Variants in GRTP1 observed in about 807,000 individuals in gnomAD.
GRTP1 encodes the protein growth hormone regulated TBC protein 1.
In GRTP1, 56 loss-of-function variants were observed where a neutral mutation model predicts 38.1. The ratio of observed to expected loss-of-function variants is 1.47; its 90% CI spans 1.19 to 1.84. The LOEUF (loss-of-function observed/expected upper bound fraction) is 1.84. Ranked by LOEUF, GRTP1 falls within the 40% of genes most tolerant of loss-of-function variation. The pLI is 0.00. For synonymous variants in GRTP1, 217 were observed against 189.5 expected (o/e 1.14, Z -1.19); for missense variants, 506 against 453.9 (o/e 1.11, Z -1.04).
chr13:113,350,155 G>A (rs67821571), intron 4 of GRTP1, among the ~76,000 whole-genome samples: 50,311 of 151,972 alleles, frequency 0.33, 8,804 homozygotes, highest in East Asian at 0.6. Context: ...CACCACCAGC[G>A]ACAGGCCCAG....
rs79374282 is a variant in GRTP1, at chr13:113,325,806, G to A, written c.776C>T (p.Ser259Leu). Residue 259 changes from serine (S) to leucine (L), a missense_variant, in exon 7 of 8, where the codon TCG becomes TTG. Ser to Leu is a moderately radical substitution (Grantham distance 145). Coordinates refer to ENST00000375431, the MANE Select transcript of GRTP1 (RefSeq NM_024719.4). The part of the protein sequence containing the change: ...RIWDCLFNEG[S>L]KIIFRVALTL... ...CAGGGCCACCCGGAAGATAATCTTC[G>A]AGCCTTCGTTAAACAAACAGTCCCA... 4.0e-4 allele frequency: 640 copies of A among 1,613,976 alleles called. 2 individuals are homozygous for A. The African/African-American group carries it at 6.3e-3, about 16-fold the overall frequency.
chr13:113,359,452 G>T (rs1364898649), intron 2 of GRTP1, among the ~76,000 whole-genome samples: 1 of 152,212 alleles, frequency 6.6e-6, no homozygotes, highest in Non-Finnish European at 1.5e-5. Context: ...GGGCATGGTG[G>T]TGCACACCTG....
Position 113,343,801 on chromosome 13 carries a change from G to A in GRTP1, c.562+1062C>T, listed in dbSNP as rs953882171. Among the ~76,000 whole-genome samples the A allele has an allele frequency of 2.6e-5, 4 of 152,218 alleles. No individual in the cohort carries two copies. Among genetic ancestry groups the A allele is most frequent in the Admixed American group, 1.3e-4 (2 of 15,284 alleles). ...GGGGACTGGCCCGGCTGCCCCTCACGTCTCCTCTGCCCTGCAGGATGAGCA... is the reference window on the plus strand; with the variant it reads ...GGGGACTGGCCCGGCTGCCCCTCACATCTCCTCTGCCCTGCAGGATGAGCA... On this transcript the variant is annotated intron_variant, in intron 5 of 7. Coordinates refer to ENST00000375431, the MANE Select transcript of GRTP1 (RefSeq NM_024719.4). The surrounding 1 kb of genome is among the most constrained non-coding windows in gnomAD (Gnocchi z 4.8).
chr13:113,339,395 T>C (rs2042997522), intron 5 of GRTP1: 1 of 152,260 alleles, frequency 6.6e-6, no homozygotes, highest in African/African-American at 2.4e-5. Context: ...TTTATACTTT[T>C]TGAATTATGT....
rs535207370 is a variant in GRTP1, at chr13:113,345,420, C to T, written c.466-461G>A. On this transcript the variant is annotated intron_variant, in intron 4 of 7. Transcript: ENST00000375431. ...GGTGGAGACCCTTTTGGGAAATCCA[C>T]GTGCACACCTGCCAAAGGGCGGGTG... Among the ~76,000 whole-genome samples the T allele has an allele frequency of 3.3e-4, 51 of 152,348 alleles. 1 individual carries two copies. Among genetic ancestry groups the T allele is most frequent in the Middle Eastern group, 3.4e-3 (1 of 294 alleles).
chr13:113,329,061 C>T (rs1272194593), intron 5 of GRTP1, among the ~76,000 whole-genome samples: 7 of 152,264 alleles, frequency 4.6e-5, no homozygotes, highest in African/African-American at 7.2e-5. Flanking sequence ...TTATGTCCCC[C>T]GATCCGGGTG....
Position 113,337,092 on chromosome 13 carries a change from G to A in GRTP1, c.562+7771C>T, listed in dbSNP as rs114764233. On this transcript the variant is annotated intron_variant, in intron 5 of 7. Transcript: ENST00000375431. The stretch of plus-strand genomic sequence containing the variant: ...GAGGATCATTTGAGCCCAAGAGTTC[G>A]AGACCAGCCTGGGCAATTCAAGAAG... Among the ~76,000 whole-genome samples, 598 of 151,720 alleles carry A rather than the reference G, an allele frequency of 3.9e-3. 2 individuals carry two copies. The highest frequency in any genetic ancestry group is 0.014 in the African/African-American group (570 of 41,344).
intron 3 of GRTP1, among the ~76,000 whole-genome samples, chr13:113,352,372 ATATATT>A (rs2043302574): frequency 7.8e-6 from 1 of 128,032 alleles, no homozygotes; most frequent in African/African-American, 2.9e-5. Flanking sequence ...ATATATATAT[ATATATT>A]TATATATATA....
rs1170526961 is a variant in GRTP1 at position 113,363,753 on chromosome 13, G to A, written c.181+9C>T. 6.3e-7 allele frequency: 1 copy of A among 1,575,202 alleles called. No homozygotes were observed. Among genetic ancestry groups the A allele is most frequent in the Admixed American group, 1.7e-5 (1 of 58,492 alleles). ...GCCCTCGGGACCCACCTGCGCCCCC[G>A]GGACCCACCTGTCCGGCTCCTGGGG... On this transcript the variant is annotated intron_variant, in intron 2 of 7. Transcript: ENST00000375431.
chr13:113,338,732 T>A (rs1251423656), intron 5 of GRTP1, among the ~76,000 whole-genome samples: 1 of 152,164 alleles, frequency 6.6e-6, no homozygotes, highest in African/African-American at 2.4e-5. Flanking sequence ...GAGGCCTCGG[T>A]GGCTGCAGAA....
intron 5 of GRTP1, among the ~76,000 whole-genome samples, chr13:113,333,919 C>G (rs1028305765): frequency 6.7e-6 from 1 of 150,084 alleles, no homozygotes; most frequent in Admixed American, 6.7e-5. Flanking sequence ...ACTGCAGCCT[C>G]CACCTTCCAG....
intron 5 of GRTP1, among the ~76,000 whole-genome samples, chr13:113,337,274 A>G (rs753384025): frequency 6.6e-6 from 1 of 152,214 alleles, no homozygotes; most frequent in Non-Finnish European, 1.5e-5. Flanking sequence ...CAGCCTGGCA[A>G]CAGTGAGATC....
At position 113,349,177 on chromosome 13, in the gene GRTP1, G is replaced by GC. The variant is rs1555318195; in HGVS notation, c.465+1671_465+1672insG. Among the ~76,000 whole-genome samples the GC allele has an allele frequency of 6.7e-6, 1 of 149,834 alleles. No homozygotes were observed. The highest frequency in any genetic ancestry group is 1.5e-5 in the Non-Finnish European group (1 of 67,406). On this transcript the variant is annotated intron_variant, in intron 4 of 7. Coordinates refer to ENST00000375431, the MANE Select transcript of GRTP1 (RefSeq NM_024719.4). This position sits in a 1 kb window ranked among gnomAD's most constrained non-coding sequence, Gnocchi z 5.0. Reference sequence around the variant, plus strand: ...GGCAAGGGCCACCCAGGTGGGTGGTGTTTTTTTTTGTTTGTTTCTCGGTTT... The same window carrying GC: ...GGCAAGGGCCACCCAGGTGGGTGGTGCTTTTTTTTTGTTTGTTTCTCGGTTT...
chr13:113,339,704 T>C (rs1213489164), intron 5 of GRTP1: 1 of 152,250 alleles, frequency 6.6e-6, no homozygotes, highest in African/African-American at 2.4e-5. Context: ...CATAACCTAA[T>C]ACCACACCAT....
chr13:113,331,809 C>T (rs2042875171), intron 5 of GRTP1, among the ~76,000 whole-genome samples: 1 of 151,116 alleles, frequency 6.6e-6, no homozygotes. Flanking sequence ...GCATCCGACA[C>T]CAGGCCCGGC....
At chr13:113,326,228 G>A in intron 5 of GRTP1, 137 bp from the exon 6 acceptor site, 1 of 1,082,688 alleles carries the variant, frequency 9.2e-7, no homozygotes, top group Non-Finnish European at 1.3e-6. Context: ...AGTTGGAGAG[G>A]AAGAGTCGGG....
chr13:113,336,569 C>G (rs2042958211), intron 5 of GRTP1, among the ~76,000 whole-genome samples: 1 of 151,768 alleles, frequency 6.6e-6, no homozygotes, highest in Middle Eastern at 3.2e-3. Flanking sequence ...GTGAGGGGGG[C>G]TGGCTTCAGA....
intron 7 of GRTP1, 141 bp downstream of exon 7, chr13:113,325,520 G>A: frequency 6.6e-7 from 1 of 1,526,552 alleles, no homozygotes; most frequent in Non-Finnish European, 8.8e-7. Context: ...GCAGATGCAG[G>A]ACAGAGCTGG....
chr13:113,326,107 G>A lies in GRTP1; in HGVS notation c.563-16C>T, dbSNP rs2042764117. The A allele has an allele frequency of 1.9e-6, 3 of 1,604,120 alleles. No homozygotes were observed. The highest frequency in any genetic ancestry group is 2.5e-6 in the Non-Finnish European group (3 of 1,179,634). On this transcript the variant is annotated splice_polypyrimidine_tract_variant and intron_variant, in intron 5 of 7. Transcript: ENST00000375431. Reference sequence around the variant, plus strand: ...CTGTAGTAATCTGCCAGGCAATGTGGAGAAAAGACCCCGAGACACTCCCGT... The same window carrying A: ...CTGTAGTAATCTGCCAGGCAATGTGAAGAAAAGACCCCGAGACACTCCCGT...
Sources: gnomAD v4.1 joint callset for allele counts (sites outside exome capture counted in the v4.1 genomes callset) on GRCh38, gnomAD v4.1.1 for gene constraint, Gnocchi (gnomAD v3.1) non-coding constraint, MANE v1.5 for transcripts, NCBI Gene and HGNC (gene_info 2026-07-23, HGNC 2026-07-21) for gene names.